Variants in ANAPC16 observed in about 807,000 individuals in gnomAD.
ANAPC16 encodes the protein anaphase promoting complex subunit 16.
A neutral mutation model predicts 13.1 loss-of-function variants in ANAPC16; 6 were observed. The ratio of observed to expected loss-of-function variants is 0.46; its 90% CI spans 0.25 to 0.90. The LOEUF is 0.90. Among genes scored for constraint, ANAPC16 ranks in the 40% least tolerant of loss-of-function variants. ANAPC16 has a pLI of 0.18. For missense variants in ANAPC16, 113 were observed against 131.1 expected, an observed-to-expected ratio of 0.86 and a Z score of 0.67; for synonymous variants, 55 against 51.3, an observed-to-expected ratio of 1.07 and a Z score of -0.31.
chr10:72,230,700 G>C (rs1860270607), intron 3 of ANAPC16, among the ~76,000 whole-genome samples: 1 of 151,994 alleles, frequency 6.6e-6, no homozygotes, highest in Non-Finnish European at 1.5e-5. Flanking sequence ...TTTGAGACCA[G>C]CCTGGCCAAC....
intron 2 of ANAPC16, among the ~76,000 whole-genome samples, chr10:72,227,549 G>T (rs1274014302): frequency 6.6e-6 from 1 of 152,012 alleles, no homozygotes; most frequent in African/African-American, 2.4e-5. Flanking sequence ...GAAAAATAAT[G>T]TAGAGATGGC....
chr10:72,233,126 G>A lies in ANAPC16; in HGVS notation c.*10G>A, dbSNP rs1860379020. The A allele has an allele frequency of 4.3e-6, 7 of 1,610,694 alleles. No individual in the cohort carries two copies. Among genetic ancestry groups the A allele is most frequent in the South Asian group, 1.1e-5 (1 of 91,000 alleles). ...CCCCTCTTCAGGTTGATACTGCCTG[G>A]ATGGTCACCTCTGGTGCGCAGCAAG... On this transcript the variant is annotated 3_prime_UTR_variant, in exon 4 of 4. Coordinates refer to ENST00000299381, the MANE Select transcript of ANAPC16 (RefSeq NM_173473.4).
chr10:72,223,720 G>A (rs1860026115), intron 1 of ANAPC16, 168 bp from the exon 2 acceptor site: 1 of 466,916 alleles, frequency 2.1e-6, no homozygotes, highest in Non-Finnish European at 3.7e-6. Context: ...AAACCTGACT[G>A]ATATTTTGGC....
rs1860193852 is a variant in ANAPC16, at chr10:72,228,467, A to G, written c.143-1899A>G. On this transcript the variant is annotated intron_variant, in intron 2 of 3. Coordinates refer to ENST00000299381, the MANE Select transcript of ANAPC16 (RefSeq NM_173473.4). The stretch of plus-strand genomic sequence containing the variant: ...AATGTATTTGTTACCATCCTTATTT[A>G]TTGGAGTTGGCTATGGTGTTAGATT... 3.9e-5 allele frequency among the ~76,000 whole-genome samples: 6 copies of G among 152,116 alleles called. No homozygotes were observed. In the South Asian group the frequency reaches 1.2e-3, roughly 32 times the overall value.
intron 2 of ANAPC16, among the ~76,000 whole-genome samples, chr10:72,225,225 G>T (rs1380731996): frequency 2.0e-5 from 3 of 152,072 alleles, no homozygotes; most frequent in African/African-American, 7.2e-5. Context: ...AGAGGTTTTA[G>T]TGAGCCAATA....
intron 2 of ANAPC16, among the ~76,000 whole-genome samples, chr10:72,229,838 T>A (rs1366162494): frequency 6.6e-6 from 1 of 152,226 alleles, no homozygotes; most frequent in Non-Finnish European, 1.5e-5. Flanking sequence ...AAATCAAGGT[T>A]ACAGTTTGCG....
At position 72,234,189 on chromosome 10, in the gene ANAPC16, G is replaced by A. The variant is rs1425045837; in HGVS notation, c.*1073G>A. The A allele has an allele frequency of 1.3e-4, 19 of 151,968 alleles. No homozygotes were observed. 9.4% of individuals were successfully genotyped at this position (151,968 alleles called of 1,614,324 possible). ...ACCCAGCTAATTTTTTGTATATTTAGTAGAGACGGGGTTTCACCATGTTGA... is the reference window on the plus strand; with the variant it reads ...ACCCAGCTAATTTTTTGTATATTTAATAGAGACGGGGTTTCACCATGTTGA... On this transcript the variant is annotated 3_prime_UTR_variant, in exon 4 of 4. Coordinates refer to ENST00000299381, the MANE Select transcript of ANAPC16 (RefSeq NM_173473.4).
At chr10:72,230,345 C>CT in intron 2 of ANAPC16, 21 bp from the exon 3 acceptor site, 6 of 1,608,494 alleles carry the variant, frequency 3.7e-6, no homozygotes, top group Non-Finnish European at 5.1e-6. Context: ...AGATTAAAAC[C>CT]TTTTCTCCTT....
chr10:72,220,817 T>A (rs1045957217), intron 1 of ANAPC16: 10 of 151,432 alleles, frequency 6.6e-5, no homozygotes, highest in African/African-American at 2.4e-4. Context: ...TCTTTGTTCC[T>A]TTTCCACTCC....
intron 1 of ANAPC16, among the ~76,000 whole-genome samples, chr10:72,221,010 G>A (rs370218925): frequency 1.3e-5 from 2 of 151,988 alleles, no homozygotes; most frequent in African/African-American, 2.4e-5. Flanking sequence ...TCCACCTCCC[G>A]AGTTCAAGCT....
chr10:72,218,444 A>G (rs1488232300), intron 1 of ANAPC16, among the ~76,000 whole-genome samples: 3 of 151,990 alleles, frequency 2.0e-5, no homozygotes, highest in African/African-American at 4.8e-5. Flanking sequence ...GCACATGACA[A>G]ATAACATACC....
chr10:72,217,196 C>T (rs1292651756), intron 1 of ANAPC16: 2 of 384,084 alleles, frequency 5.2e-6, no homozygotes, highest in South Asian at 1.9e-5. Context: ...AAGTGTAGGC[C>T]GGGCGCGGTG....
intron 1 of ANAPC16, among the ~76,000 whole-genome samples, chr10:72,217,754 T>G (rs1220217165): frequency 2.0e-5 from 3 of 152,120 alleles, no homozygotes; most frequent in Non-Finnish European, 2.9e-5. Flanking sequence ...TAACTAATCT[T>G]TGTCACACCT....
rs1372600354 is a variant in ANAPC16 at position 72,235,545 on chromosome 10, G to C, written c.*2429G>C. The C allele has an allele frequency of 1.3e-5, 2 of 152,178 alleles. No individual in the cohort carries two copies. The highest frequency in any genetic ancestry group is 2.9e-5 in the Non-Finnish European group (2 of 68,026). 9.4% of individuals were successfully genotyped at this position (152,178 alleles called of 1,614,324 possible). A position where few individuals can be genotyped will look rare whatever the true frequency, so the allele number is the denominator to read the frequency against. On this transcript the variant is annotated 3_prime_UTR_variant, in exon 4 of 4. Coordinates refer to ENST00000299381, the MANE Select transcript of ANAPC16 (RefSeq NM_173473.4). ...CTATATTAATAATTCTTAACTAAAA[G>C]AAGTTCCATATTCGACAGCATTTTA...
intron 2 of ANAPC16, among the ~76,000 whole-genome samples, chr10:72,229,228 C>CT (rs201528335): frequency 0.09 from 11,021 of 122,824 alleles, 1,125 homozygotes; most frequent in African/African-American, 0.25. Flanking sequence ...TTCTTTTTCT[C>CT]TTTTTTTTTT....
intron 1 of ANAPC16, among the ~76,000 whole-genome samples, chr10:72,218,168 ATATATATATATATATATATAT>A (rs1564789481): frequency 0.012 from 240 of 19,740 alleles, 34 homozygotes; most frequent in African/African-American, 0.043. Flanking sequence ...AAAAAAAAAT[ATATATATATATATATATATAT>A]ATATATATAT....
Position 72,230,389 on chromosome 10 carries a change from G to GA in ANAPC16, c.168dup (p.Ser57IlefsTer4). ...AGATGGCTCTGAGAGATTCCTCTGC[G>GA]AATCTGTTTTTAGCTATCAAGTGGC... On this transcript the variant is annotated frameshift_variant, in exon 3 of 4. Coordinates refer to ENST00000299381, the MANE Select transcript of ANAPC16 (RefSeq NM_173473.4). LOFTEE classifies it high-confidence loss of function. The GA allele has an allele frequency of 1.9e-6, 3 of 1,613,998 alleles. No individual in the cohort carries two copies. The highest frequency in any genetic ancestry group is 2.5e-6 in the Non-Finnish European group (3 of 1,179,962).
intron 3 of ANAPC16, among the ~76,000 whole-genome samples, chr10:72,231,157 AG>A (rs1216083002): frequency 1.3e-5 from 2 of 152,168 alleles, no homozygotes; most frequent in African/African-American, 2.4e-5. Context: ...AACTTTATGT[AG>A]GGGGAAAAGC....
In ANAPC16 at chr10:72,229,322, G is replaced by GTTTTT. The variant is rs11313857; in HGVS notation, c.143-1037_143-1033dup. On this transcript the variant is annotated intron_variant, in intron 2 of 3. Coordinates refer to ENST00000299381, the MANE Select transcript of ANAPC16 (RefSeq NM_173473.4). ...CTCTTTGGATACAGTATCTATAGTT[G>GTTTTT]TTTTTTTTTTTAATTGGTTATTGTG... Among the ~76,000 whole-genome samples, 35 of 133,282 alleles carry GTTTTT rather than the reference G, an allele frequency of 2.6e-4. 1 individual carries two copies. In the East Asian group the frequency reaches 7.7e-3, roughly 29 times the overall value. The allele number at this position is 133,282 out of a possible 152,430, so 87.4% of individuals were successfully genotyped here. A position where few individuals can be genotyped will look rare whatever the true frequency, so the allele number is the denominator to read the frequency against.
Sources: gnomAD v4.1 joint callset for allele counts (sites outside exome capture counted in the v4.1 genomes callset) on GRCh38, gnomAD v4.1.1 for gene constraint, MANE v1.5 for transcripts, NCBI Gene and HGNC (gene_info 2026-07-23, HGNC 2026-07-21) for gene names.